Variants in ADGRF1 observed in about 807,000 individuals in gnomAD.
ADGRF1 encodes the protein adhesion G protein-coupled receptor F1.
ADGRF1 carries 85 observed loss-of-function variants against 87.2 expected under a neutral mutation model. That is an observed-to-expected ratio of 0.97 (90% CI 0.82 to 1.17). The LOEUF is 1.17. Among genes scored for constraint, ADGRF1 ranks in the 50% most tolerant of loss-of-function variants. The pLI is 0.00. For synonymous variants in ADGRF1, 430 were observed against 408.8 expected (o/e 1.05, Z -0.63); for missense variants, 1,169 against 1,077.2 (o/e 1.09, Z -1.19).
intron 9 of ADGRF1, chr6:47,012,674 T>C: frequency 2.0e-6 from 2 of 986,064 alleles, no homozygotes; most frequent in Non-Finnish European, 2.4e-6. Context: ...TTCACCACGC[T>C]ACACTGAGAA....
intron 7 of ADGRF1, chr6:47,020,161 C>G: frequency 8.9e-7 from 1 of 1,127,362 alleles, no homozygotes; most frequent in East Asian, 4.8e-5. Flanking sequence ...TTTTGTAGTT[C>G]TACTCACTGA....
intron 7 of ADGRF1, chr6:47,019,480 G>A (rs757035364): frequency 7.9e-5 from 40 of 503,524 alleles, no homozygotes; most frequent in African/African-American, 3.5e-4. Context: ...TCAGGAGATC[G>A]AGACCATCCT....
chr6:47,033,046 G>A (rs1780478138), intron 1 of ADGRF1, among the ~76,000 whole-genome samples: 1 of 152,168 alleles, frequency 6.6e-6, no homozygotes, highest in Admixed American at 6.5e-5. Context: ...AGCCGGAATG[G>A]TCCTGATTAT....
chr6:47,038,578 T>C (rs1780656705), intron 1 of ADGRF1, among the ~76,000 whole-genome samples: 3 of 152,200 alleles, frequency 2.0e-5, no homozygotes, highest in African/African-American at 7.2e-5. Flanking sequence ...ACGTTTATCA[T>C]TTCTTTGTGT....
Position 47,012,041 on chromosome 6 carries a change from G to A in ADGRF1, c.1082C>T (p.Ala361Val), listed in dbSNP as rs549655732. Residue 361 changes from alanine to valine, a missense_variant, in exon 10 of 15, where the codon GCC (alanine) becomes GTC (valine). Coordinates refer to ENST00000371253, the MANE Select transcript of ADGRF1 (RefSeq NM_153840.4). ...TGAATTGGACACCCTGAAATGGCTGGCCAGTGACAGAGATGAAATATTGCT... is the reference window on the plus strand; with the variant it reads ...TGAATTGGACACCCTGAAATGGCTGACCAGTGACAGAGATGAAATATTGCT... ...ILSNISSLSL[A>V]SHFRVSNSTM... 1.8e-4 allele frequency: 293 copies of A among 1,613,894 alleles called. 1 individual carries two copies. In the South Asian group the frequency reaches 2.8e-3, roughly 16 times the overall value.
chr6:47,029,395 A>G (rs753720950), intron 1 of ADGRF1, among the ~76,000 whole-genome samples: 11 of 152,114 alleles, frequency 7.2e-5, no homozygotes, highest in Non-Finnish European at 1.5e-4. Context: ...TAACATTGCA[A>G]TTAGGTGCAT....
At chr6:47,007,175 A>G in intron 12 of ADGRF1, 78 bp downstream of exon 12, 1 of 815,992 alleles carries the variant, frequency 1.2e-6, no homozygotes, top group East Asian at 2.6e-5. Context: ...TTATTATATG[A>G]ATAAAGGCCT....
At chr6:47,029,135 G>C in intron 1 of ADGRF1, 31 bp from the exon 2 acceptor site, 8 of 1,264,508 alleles carry the variant, frequency 6.3e-6, no homozygotes, top group Non-Finnish European at 9.2e-6. Context: ...GTAAGGTAGA[G>C]GCACAAAAAC....
rs368213818 is a variant in ADGRF1, at chr6:47,030,745, A to G, written c.-43-1641T>C. On this transcript the variant is annotated intron_variant, in intron 1 of 14. Coordinates refer to ENST00000371253, the MANE Select transcript of ADGRF1 (RefSeq NM_153840.4). ...GCAGAGTGGGGGTTGTGCCCCTTCC[A>G]GCCCCTTTTCCACTTTTTCTTCACT... Among the ~76,000 whole-genome samples, 34 of 151,542 alleles carry G rather than the reference A, an allele frequency of 2.2e-4. No individual in the cohort carries two copies. The East Asian group carries it at 6.6e-3, about 29-fold the overall frequency.
At chr6:47,011,582 A>G (rs1326399666) in intron 10 of ADGRF1, among the ~76,000 whole-genome samples, 3 of 152,228 alleles carry the variant, frequency 2.0e-5, no homozygotes, top group African/African-American at 4.8e-5. Flanking sequence ...AGTATCATTT[A>G]TGTAATTTGT....
chr6:47,031,329 T>TC (rs1780418075), intron 1 of ADGRF1, among the ~76,000 whole-genome samples: 1 of 146,196 alleles, frequency 6.8e-6, no homozygotes, highest in South Asian at 2.2e-4. Flanking sequence ...TCTCTCTCTC[T>TC]CTTCTCTCTC....
intron 1 of ADGRF1, among the ~76,000 whole-genome samples, chr6:47,039,258 C>A (rs1434746535): frequency 6.6e-6 from 1 of 152,190 alleles, no homozygotes; most frequent in African/African-American, 2.4e-5. Flanking sequence ...TGATAATGCT[C>A]ATCAATAAAA....
intron 1 of ADGRF1, among the ~76,000 whole-genome samples, chr6:47,034,242 C>T (rs984483089): frequency 6.6e-6 from 1 of 152,158 alleles, no homozygotes; most frequent in Non-Finnish European, 1.5e-5. Flanking sequence ...TGCCCATTCC[C>T]CACATTCTAT....
At chr6:47,028,950 G>A (rs781276870) in intron 2 of ADGRF1, 43 bp downstream of exon 2, 5 of 1,493,546 alleles carry the variant, frequency 3.3e-6, no homozygotes, top group Non-Finnish European at 4.7e-6. Context: ...AACGAGAGAG[G>A]AGAGTTAGTT....
intron 7 of ADGRF1, chr6:47,018,065 T>G: frequency 4.9e-6 from 1 of 203,666 alleles, no homozygotes; most frequent in Non-Finnish European, 1.0e-5. Flanking sequence ...AGTTATAGGT[T>G]AGGAAGGGGA....
intron 5 of ADGRF1, 60 bp from the exon 6 acceptor site, chr6:47,022,118 G>T: frequency 1.1e-6 from 1 of 926,046 alleles, no homozygotes; most frequent in Non-Finnish European, 1.7e-6. Context: ...TTTACTAGTA[G>T]CATACAATTA....
intron 1 of ADGRF1, among the ~76,000 whole-genome samples, chr6:47,030,576 ATGTGTGTGTGTGTGTGTG>A (rs3030596): frequency 1.0e-4 from 14 of 138,464 alleles, no homozygotes; most frequent in African/African-American, 2.4e-4. Context: ...TAACATGAAT[ATGTGTGTGTGTGTGTGTG>A]TGTGTGTGTG....
At chr6:47,010,440 C>T in intron 10 of ADGRF1, 122 bp from the exon 11 acceptor site, 2 of 803,382 alleles carry the variant, frequency 2.5e-6, no homozygotes, top group Non-Finnish European at 3.8e-6. Context: ...AGTCACGAAC[C>T]ACATTAAAAC....
rs1582147731 is a variant in ADGRF1 at position 47,010,153 on chromosome 6, A to G, written c.1282T>C (p.Phe428Leu). The G allele has an allele frequency of 1.2e-6, 2 of 1,614,140 alleles. No homozygotes were observed. Residue 428 changes from phenylalanine (F) to leucine (L), a missense_variant, in exon 11 of 15, where the codon TTC becomes CTC. By Grantham distance (22) the Phe-to-Leu change is conservative. Transcript: ENST00000371253. ...ACTGGAATCCCTTTCCAGTCAATGA[A>G]TTTCCGAGAAAAATTCAGAGGAAGA... ...TALPLNFSRK[F>L]IDWKGIPVNK...
Sources: allele counts gnomAD v4.1 joint callset (sites outside exome capture counted in the v4.1 genomes callset), GRCh38; gene constraint gnomAD v4.1.1; transcripts MANE v1.5; gene names NCBI Gene and HGNC (gene_info 2026-07-23, HGNC 2026-07-21).